Variants in HACD2 observed in about 807,000 individuals in gnomAD.
HACD2 encodes 3-hydroxyacyl-CoA dehydratase 2, also known as very-long-chain (3R)-3-hydroxyacyl-CoA dehydratase 2.
In HACD2, 15 loss-of-function variants were observed where a neutral mutation model predicts 31.0. The observed-to-expected ratio is 0.48, with a 90% CI of 0.32 to 0.75. The LOEUF is 0.75. Ranked by LOEUF, HACD2 falls within the 30% of genes least tolerant of loss-of-function variation. HACD2 has a pLI of 0.03. For missense variants in HACD2, 283 were observed against 313.0 expected, an observed-to-expected ratio of 0.90 and a Z score of 0.72; for synonymous variants, 115 against 122.2, an observed-to-expected ratio of 0.94 and a Z score of 0.39.
intron 3 of HACD2, among the ~76,000 whole-genome samples, chr3:123,555,935 A>G (rs964136147): frequency 2.6e-5 from 4 of 152,224 alleles, no homozygotes; most frequent in Admixed American, 2.6e-4. Flanking sequence ...CATAAAGACA[A>G]CGCAATGGAG....
At chr3:123,506,157 TTAAAAA>T (rs2055973378) in intron 4 of HACD2, among the ~76,000 whole-genome samples, 2 of 152,272 alleles carry the variant, frequency 1.3e-5, no homozygotes, top group South Asian at 2.1e-4. Flanking sequence ...GATAATCTTC[TTAAAAA>T]TAATTTTTTC....
chr3:123,513,058 A>G (rs3102837), intron 4 of HACD2, among the ~76,000 whole-genome samples: 79,888 of 151,978 alleles, frequency 0.53, 24,583 homozygotes, highest in Non-Finnish European at 0.69. Context: ...TTTTTGTGCC[A>G]GATCATAAGG....
intron 3 of HACD2, among the ~76,000 whole-genome samples, chr3:123,531,928 G>A (rs2056366882): frequency 6.6e-6 from 1 of 152,104 alleles, no homozygotes; most frequent in Non-Finnish European, 1.5e-5. Context: ...AAAATTCGAG[G>A]CTTAGACCTT....
At chr3:123,537,409 T>G (rs958556599) in intron 3 of HACD2, among the ~76,000 whole-genome samples, 1 of 152,054 alleles carries the variant, frequency 6.6e-6, no homozygotes, top group Non-Finnish European at 1.5e-5. Flanking sequence ...TACAAAAATT[T>G]TTTTAAAAAA....
chr3:123,540,386 C>A (rs2056475439), intron 3 of HACD2, among the ~76,000 whole-genome samples: 1 of 152,182 alleles, frequency 6.6e-6, no homozygotes, highest in Non-Finnish European at 1.5e-5. Context: ...CATTCAGAGC[C>A]TCCTCACTTG....
chr3:123,534,321 A>G (rs912047446), intron 3 of HACD2, among the ~76,000 whole-genome samples: 7 of 152,172 alleles, frequency 4.6e-5, no homozygotes, highest in Admixed American at 3.9e-4. Flanking sequence ...TGATGGTCCC[A>G]TAAGACTATA....
intron 3 of HACD2, among the ~76,000 whole-genome samples, chr3:123,539,230 GA>G (rs1371218914): frequency 1.3e-5 from 2 of 152,066 alleles, no homozygotes; most frequent in Non-Finnish European, 2.9e-5. Context: ...TTGGTGTTTA[GA>G]AAACTTGGGA....
At chr3:123,576,958 T>A (rs1276365850) in intron 2 of HACD2, among the ~76,000 whole-genome samples, 1 of 152,198 alleles carries the variant, frequency 6.6e-6, no homozygotes. Context: ...AACACACAGA[T>A]GAGGCTGAGA....
intron 4 of HACD2, among the ~76,000 whole-genome samples, chr3:123,517,542 G>A (rs1362819037): frequency 6.6e-6 from 1 of 152,104 alleles, no homozygotes; most frequent in Non-Finnish European, 1.5e-5. Context: ...ATAGCCCAGA[G>A]AACAATATTC....
chr3:123,516,745 C>T (rs2056142715), intron 4 of HACD2, among the ~76,000 whole-genome samples: 2 of 152,172 alleles, frequency 1.3e-5, no homozygotes, highest in Non-Finnish European at 2.9e-5. Flanking sequence ...GATACATGAT[C>T]GATTCTGCAT....
intron 3 of HACD2, among the ~76,000 whole-genome samples, chr3:123,541,320 G>C (rs2056488332): frequency 6.6e-6 from 1 of 152,120 alleles, no homozygotes; most frequent in Non-Finnish European, 1.5e-5. Flanking sequence ...AATAACACAA[G>C]ATCTAATAAA....
intron 2 of HACD2, among the ~76,000 whole-genome samples, chr3:123,581,559 C>A (rs1439105585): frequency 6.6e-6 from 1 of 152,150 alleles, no homozygotes; most frequent in South Asian, 2.1e-4. Context: ...TGAGAGAAAG[C>A]AAGAGAATCT....
At chr3:123,549,936 C>T (rs762871931) in intron 3 of HACD2, among the ~76,000 whole-genome samples, 3 of 152,070 alleles carry the variant, frequency 2.0e-5, no homozygotes, top group Admixed American at 1.3e-4. Context: ...TTTGGGAATC[C>T]AGGTATGCTC....
intron 4 of HACD2, among the ~76,000 whole-genome samples, chr3:123,512,136 C>A (rs989418641): frequency 5.3e-5 from 8 of 152,124 alleles, no homozygotes; most frequent in Admixed American, 5.2e-4. Flanking sequence ...AATAGCAGCA[C>A]CAATGGACTA....
At chr3:123,502,818 GA>G in intron 4 of HACD2, 137 bp from the exon 5 acceptor site, 2 of 828,420 alleles carry the variant, frequency 2.4e-6, no homozygotes, top group Non-Finnish European at 3.7e-6. Context: ...ATGGCAGAAA[GA>G]GCTTGCGTGT....
chr3:123,560,654 G>A (rs1389249437), intron 3 of HACD2, among the ~76,000 whole-genome samples: 1 of 152,204 alleles, frequency 6.6e-6, no homozygotes, highest in Non-Finnish European at 1.5e-5. Flanking sequence ...GGCTTAAAGA[G>A]AGCCAGTAGA....
At chr3:123,554,467 T>C (rs1444999286) in intron 3 of HACD2, among the ~76,000 whole-genome samples, 1 of 151,878 alleles carries the variant, frequency 6.6e-6, no homozygotes, top group African/African-American at 2.4e-5. Context: ...CTTCTGTGAA[T>C]AGCCACTGCA....
At position 123,568,360 on chromosome 3, in the gene HACD2, G is replaced by A. The variant is rs937717262; in HGVS notation, c.274-580C>T. ...GCTGCCTCTGGACAGCTCCATCTGGGAGCCACAGCAGCGGCTCAAACACAG... is the reference window on the plus strand; with the variant it reads ...GCTGCCTCTGGACAGCTCCATCTGGAAGCCACAGCAGCGGCTCAAACACAG... On this transcript the variant is annotated intron_variant, in intron 2 of 6. Transcript: ENST00000383657. Among the ~76,000 whole-genome samples the A allele has an allele frequency of 7.9e-5, 12 of 152,310 alleles. No homozygotes were observed. In the South Asian group the frequency reaches 2.3e-3, roughly 29 times the overall value.
At chr3:123,529,273 T>C (rs2056323341) in intron 3 of HACD2, among the ~76,000 whole-genome samples, 1 of 152,166 alleles carries the variant, frequency 6.6e-6, no homozygotes, top group African/African-American at 2.4e-5. Context: ...GCTAAGTTTT[T>C]GTACTTTTGG....
Sources: allele counts gnomAD v4.1 joint callset (sites outside exome capture counted in the v4.1 genomes callset), GRCh38; gene constraint gnomAD v4.1.1; transcripts MANE v1.5; gene names NCBI Gene and HGNC (gene_info 2026-07-23, HGNC 2026-07-21).